The following NOC2L variants were observed in gnomAD, a reference collection of about 807,000 sequenced individuals.
NOC2L encodes the protein NOC2 like nucleolar associated transcriptional repressor, also known as nucleolar complex protein 2 homolog.
Under a neutral mutation model 94.2 loss-of-function variants are expected in NOC2L, and 101 were observed. The ratio of observed to expected loss-of-function variants is 1.07; its 90% confidence interval spans 0.91 to 1.26. The LOEUF (loss-of-function observed/expected upper bound fraction) is 1.26. NOC2L is among the 50% of genes most tolerant of loss of function. NOC2L has a pLI of 0.00. For missense variants in NOC2L, 1,076 were observed against 980.1 expected, an observed-to-expected ratio of 1.10 and a Z score of -1.31; for synonymous variants, 531 against 413.4, an observed-to-expected ratio of 1.28 and a Z score of -3.45.
chr1:947,916 A>G (rs1642161177), intron 14 of NOC2L, among the ~76,000 whole-genome samples: 1 of 152,210 alleles, frequency 6.6e-6, no homozygotes, highest in Non-Finnish European at 1.5e-5. Flanking sequence ...CAGGGTCCTC[A>G]GCCCACTGCC....
At chr1:945,332 T>C (rs1244496998) in intron 17 of NOC2L, 186 bp from the exon 18 acceptor site, 1 of 949,656 alleles carries the variant, frequency 1.1e-6, no homozygotes, top group Non-Finnish European at 1.5e-6. Flanking sequence ...CCAATCCCAG[T>C]AGGCCTTCAC....
chr1:957,303 G>A, intron 2 of NOC2L, 30 bp from the exon 3 acceptor site: 1 of 1,609,590 alleles, frequency 6.2e-7, no homozygotes. Context: ...CGACCCCAGT[G>A]GGAAGTGGAA....
At position 954,045 on chromosome 1, in the gene NOC2L, G is replaced by A; in HGVS notation, c.736C>T (p.Leu246Phe). 1.9e-6 allele frequency: 3 copies of A among 1,609,192 alleles called. No individual in the cohort carries two copies. Among genetic ancestry groups the A allele is most frequent in the Non-Finnish European group, 1.7e-6 (2 of 1,176,756 alleles). ...QPSSSPLWGK[L>F]RVDIKAYLGS... ...AGGTAAGCCTTGATGTCCACACGAA[G>A]CTTCCCCCAGAGCGGGCTGCTGGAC... Residue 246 changes from leucine (L) to phenylalanine (F), a missense_variant, in exon 7 of 19, where the codon CTT (leucine) becomes TTT (phenylalanine). Physicochemically the swap from Leu to Phe is conservative, Grantham distance 22 (BLOSUM62 0). Transcript: ENST00000327044.
rs751422160 is a variant in NOC2L, at chr1:952,615, G to A, written c.1003-15C>T. 2.4e-5 allele frequency: 38 copies of A among 1,613,018 alleles called. No individual in the cohort carries two copies. Among genetic ancestry groups the A allele is most frequent in the African/African-American group, 2.7e-5 (2 of 74,904 alleles). Reference sequence around the variant, plus strand: ...ATGTACATTTGCTGCGGAGAGACCCGGGTCAGAGCCACCTGGGATCAGGGC... The same window carrying A: ...ATGTACATTTGCTGCGGAGAGACCCAGGTCAGAGCCACCTGGGATCAGGGC... On this transcript the variant is annotated splice_polypyrimidine_tract_variant and intron_variant, in intron 9 of 18. Coordinates refer to ENST00000327044, the MANE Select transcript of NOC2L (RefSeq NM_015658.4).
At chr1:952,876 C>A (rs1377520205) in intron 9 of NOC2L, among the ~76,000 whole-genome samples, 1 of 152,194 alleles carries the variant, frequency 6.6e-6, no homozygotes, top group Non-Finnish European at 1.5e-5. Context: ...TAGGACTGTA[C>A]CCTGGCCATG....
At position 945,373 on chromosome 1, in the gene NOC2L, C is replaced by G. The variant is rs758963594; in HGVS notation, c.2053+145G>C. On this transcript the variant is annotated intron_variant, in intron 17 of 18. Coordinates refer to ENST00000327044, the MANE Select transcript of NOC2L (RefSeq NM_015658.4). ...GGAGGGAAGGCGCTGGCACCAGAAGCCTGGCAACACTGAGGTTGGCCCCAG... is the reference window on the plus strand; with the variant it reads ...GGAGGGAAGGCGCTGGCACCAGAAGGCTGGCAACACTGAGGTTGGCCCCAG... 1.8e-5 allele frequency: 19 copies of G among 1,078,586 alleles called. No individual in the cohort carries two copies. In the African/African-American group the frequency reaches 2.7e-4, roughly 15 times the overall value. The allele number at this position is 1,078,586 out of a possible 1,614,324, so 66.8% of individuals were successfully genotyped here. A position where few individuals can be genotyped will look rare whatever the true frequency, so the allele number is the denominator to read the frequency against.
chr1:953,805 T>G lies in NOC2L; in HGVS notation c.865A>C (p.Lys289Gln). The G allele has an allele frequency of 6.2e-7, 1 of 1,612,568 alleles. No individual in the cohort carries two copies. The highest frequency in any genetic ancestry group is 8.5e-7 in the Non-Finnish European group (1 of 1,179,838). Reference sequence around the variant, plus strand: ...ACCTTGAGCAGCATGCGGCACTGCTTGGGGAAGGTCAGGAAGCAGGGCACC... The same window carrying G: ...ACCTTGAGCAGCATGCGGCACTGCTGGGGGAAGGTCAGGAAGCAGGGCACC... ...VLVPCFLTFPKQCRMLLKRMV... is the reference protein window; with the variant it reads ...VLVPCFLTFPQQCRMLLKRMV... Residue 289 changes from lysine (K) to glutamine (Q), a missense_variant, in exon 8 of 19, where the codon AAG (lysine) becomes CAG (glutamine). Lys to Gln is a moderately conservative substitution (Grantham distance 53). This residue lies in a region of NOC2L where 457 missense variants were observed against 386.0 expected (regional missense o/e 1.18). Transcript: ENST00000327044.
In NOC2L at chr1:948,588, C is replaced by T. The variant is rs775044682; in HGVS notation, c.1459G>A (p.Asp487Asn). 13 of 1,567,984 alleles carry T rather than the reference C, an allele frequency of 8.3e-6. No homozygotes were observed. Among genetic ancestry groups the T allele is most frequent in the African/African-American group, 1.5e-5 (1 of 66,908 alleles). The change falls in exon 13 of 19, where the codon GAC becomes AAC. Residue 487 changes from aspartate (D) to asparagine (N), a missense_variant. Coordinates refer to ENST00000327044, the MANE Select transcript of NOC2L (RefSeq NM_015658.4). ...ATGCGCCCTGGCTTCCTGTTGAAGT[C>T]GACCTGCTGGAACATCTGCCCCAAG... ...PFILEMFQQV[D>N]FNRKPGRMSS...
chr1:944,868 C>T, intron 18 of NOC2L, 68 bp from the exon 19 acceptor site: 1 of 1,295,600 alleles, frequency 7.7e-7, no homozygotes. Flanking sequence ...AGAGGTTACT[C>T]ATCACTAATT....
intron 8 of NOC2L, among the ~76,000 whole-genome samples, chr1:953,497 T>G (rs1642312845): frequency 6.6e-6 from 1 of 152,196 alleles, no homozygotes; most frequent in African/African-American, 2.4e-5. Flanking sequence ...CACAAAAGTT[T>G]ACCACGTCAG....
chr1:953,717 G>T, intron 8 of NOC2L, 65 bp downstream of exon 8: 1 of 1,210,320 alleles, frequency 8.3e-7, no homozygotes, highest in Non-Finnish European at 1.2e-6. Context: ...AGTGGGATGT[G>T]GTGGGGGTAG....
chr1:945,377 G>A lies in NOC2L; in HGVS notation c.2053+141C>T. The A allele has an allele frequency of 8.2e-6, 9 of 1,100,112 alleles. No homozygotes were observed. In the South Asian group the frequency reaches 1.3e-4, roughly 15 times the overall value. 68.1% of individuals were successfully genotyped at this position (1,100,112 alleles called of 1,614,324 possible). A position where few individuals can be genotyped will look rare whatever the true frequency, so the allele number is the denominator to read the frequency against. ...GGAAGGCGCTGGCACCAGAAGCCTG[G>A]CAACACTGAGGTTGGCCCCAGCTGG... is the stretch of plus-strand genomic sequence containing the variant. On this transcript the variant is annotated intron_variant, in intron 17 of 18. Transcript: ENST00000327044.
In NOC2L at chr1:958,930, TGGCCGAGG is replaced by T; in HGVS notation, c.170_177del (p.Pro57GlnfsTer4). On this transcript the variant is annotated frameshift_variant and splice_region_variant, in exon 2 of 19. Transcript: ENST00000327044. LOFTEE classifies it high-confidence loss of function. ...CTGCTCACGCATGTCCCCACTAACC[TGGCCGAGG>T]GGCTCCCGCCCGGCTTATCCGGACT... is the stretch of plus-strand genomic sequence containing the variant. The T allele has an allele frequency of 6.2e-7, 1 of 1,612,754 alleles. No homozygotes were observed. Among genetic ancestry groups the T allele is most frequent in the Non-Finnish European group, 8.5e-7 (1 of 1,179,928 alleles).
Position 946,300 on chromosome 1 carries a change from G to A in NOC2L, c.1804-14C>T, listed in dbSNP as rs1359032266. The A allele has an allele frequency of 1.9e-6, 3 of 1,612,494 alleles. No homozygotes were observed. Among genetic ancestry groups the A allele is most frequent in the Middle Eastern group, 1.7e-4 (1 of 6,050 alleles). On this transcript the variant is annotated splice_polypyrimidine_tract_variant and intron_variant, in intron 15 of 18. Coordinates refer to ENST00000327044, the MANE Select transcript of NOC2L (RefSeq NM_015658.4). ...CTCCCAGGCTTCCTGGGGGGTTGGG[G>A]GAGTTCAGGGTCATGCCTCACCCTG...
chr1:945,805 G>A, intron 16 of NOC2L, 152 bp from the exon 17 acceptor site: 1 of 989,562 alleles, frequency 1.0e-6, no homozygotes, highest in East Asian at 2.4e-5. Context: ...CCTCCAAGTT[G>A]TCCATCCCAT....
chr1:956,225 C>A lies in NOC2L; in HGVS notation c.487-10G>T. ...TTGGAGTGAGGCGTTGCTGAAGGAG[C>A]AAGAGTACCAGGGGCGTCAGGGGAG... is the stretch of plus-strand genomic sequence containing the variant. On this transcript the variant is annotated splice_polypyrimidine_tract_variant and intron_variant, in intron 4 of 18. Coordinates refer to ENST00000327044, the MANE Select transcript of NOC2L (RefSeq NM_015658.4). 6.2e-7 allele frequency: 1 copy of A among 1,612,698 alleles called. No homozygotes were observed. Among genetic ancestry groups the A allele is most frequent in the East Asian group, 2.2e-5 (1 of 44,870 alleles).
At chr1:953,738 C>T (rs185114937) in intron 8 of NOC2L, 44 bp downstream of exon 8, 25 of 1,449,068 alleles carry the variant, frequency 1.7e-5, no homozygotes, top group Non-Finnish European at 2.3e-5. Flanking sequence ...CCGTGTGGCC[C>T]CCCGACCCCA....
At chr1:956,670 CAGG>C (rs1642411757) in intron 4 of NOC2L, among the ~76,000 whole-genome samples, 2 of 152,184 alleles carry the variant, frequency 1.3e-5, no homozygotes, top group Non-Finnish European at 2.9e-5. Context: ...ACCAAGCAAG[CAGG>C]AGGAGCAACG....
intron 9 of NOC2L, 38 bp downstream of exon 9, chr1:953,137 C>T: frequency 6.8e-7 from 1 of 1,464,560 alleles, no homozygotes; most frequent in African/African-American, 1.4e-5. Context: ...ATTTCCAATG[C>T]AGATGCTGAG....
Sources: gnomAD v4.1 joint callset for allele counts (sites outside exome capture counted in the v4.1 genomes callset) on GRCh38, gnomAD v4.1.1 for gene constraint, gnomAD v4.1.1 regional missense constraint, MANE v1.5 for transcripts, NCBI Gene and HGNC (gene_info 2026-07-23, HGNC 2026-07-21) for gene names.